Variants in EFR3B observed in about 807,000 individuals in gnomAD.
EFR3B encodes the protein EFR3 homolog B, also known as protein EFR3 homolog B.
In EFR3B, 64 loss-of-function variants were observed where a neutral mutation model predicts 104.7. The observed-to-expected ratio is 0.61, with a 90% CI of 0.50 to 0.75. EFR3B has a LOEUF of 0.75. EFR3B is among the 30% of genes least tolerant of loss of function. The probability of loss-of-function intolerance (pLI) is 0.00; values close to 1 mark genes in which losing one functional copy is unlikely to be tolerated. For synonymous variants in EFR3B, 385 were observed against 417.9 expected (o/e 0.92, Z 0.96); for missense variants, 750 against 1,078.5 (o/e 0.70, Z 4.27).
chr2:25,111,360 C>CGCCCATTTCTCCCTGGGATCGT (rs1299259937), intron 4 of EFR3B, among the ~76,000 whole-genome samples: 2 of 151,060 alleles, frequency 1.3e-5, no homozygotes, highest in Non-Finnish European at 2.9e-5. Context: ...CCTGGGATCA[C>CGCCCATTTCTCCCTGGGATCGT]GCCCATTTCT....
chr2:25,091,220 G>C (rs1220028453), intron 1 of EFR3B, 105 bp from the exon 2 acceptor site: 2 of 1,089,526 alleles, frequency 1.8e-6, no homozygotes, highest in Admixed American at 2.5e-5. Context: ...TCTGATTCCA[G>C]CCTGTCTGTT....
chr2:25,086,521 A>G (rs1220884004), intron 1 of EFR3B, among the ~76,000 whole-genome samples: 1 of 152,142 alleles, frequency 6.6e-6, no homozygotes, highest in Non-Finnish European at 1.5e-5. Flanking sequence ...TATGATGTGG[A>G]GCATCTTTTC....
rs559140339 is a variant in EFR3B at position 25,080,121 on chromosome 2, A to G, written c.8-11204A>G. On this transcript the variant is annotated intron_variant, in intron 1 of 22. Coordinates refer to ENST00000403714, the MANE Select transcript of EFR3B (RefSeq NM_014971.2). ...CCACATCTTTTACTGCCGTGACTAT[A>G]CCCTGTGCAATAACATCACAGTGCA... The G allele has an allele frequency of 3.5e-5, 36 of 1,040,424 alleles. No individual in the cohort carries two copies. In the East Asian group the frequency reaches 8.6e-4, roughly 25 times the overall value. The allele number at this position is 1,040,424 out of a possible 1,614,324, so 64.4% of individuals were successfully genotyped here. A position where few individuals can be genotyped will look rare whatever the true frequency, so the allele number is the denominator to read the frequency against.
intron 19 of EFR3B, chr2:25,147,876 G>C (rs1670861729): frequency 6.6e-6 from 1 of 151,918 alleles, no homozygotes; most frequent in African/African-American, 2.4e-5. Flanking sequence ...CAAAAAATTA[G>C]CCGGGCATGG....
intron 1 of EFR3B, among the ~76,000 whole-genome samples, chr2:25,056,398 A>G (rs916430094): frequency 2.7e-5 from 4 of 149,474 alleles, no homozygotes; most frequent in African/African-American, 4.9e-5. Context: ...ATAATTACGG[A>G]TAAGTCTCTA....
chr2:25,149,874 T>C, intron 20 of EFR3B, 132 bp downstream of exon 20: 3 of 844,276 alleles, frequency 3.6e-6, no homozygotes, highest in Non-Finnish European at 2.0e-6. Flanking sequence ...GAGAGGCTGG[T>C]GTCTTTTGAC....
At chr2:25,111,429 C>T (rs1669722679) in intron 4 of EFR3B, among the ~76,000 whole-genome samples, 1 of 151,888 alleles carries the variant, frequency 6.6e-6, no homozygotes, top group South Asian at 2.1e-4. Flanking sequence ...GGGATCCCAC[C>T]CTTGTTCACA....
At chr2:25,062,704 C>T (rs2149170185) in intron 1 of EFR3B, among the ~76,000 whole-genome samples, 1 of 152,342 alleles carries the variant, frequency 6.6e-6, no homozygotes, top group African/African-American at 2.4e-5. Context: ...ATCCCATTGG[C>T]AGCTGGGAAG....
At position 25,158,368 on chromosome 2, in the gene EFR3B, T is replaced by G. The variant is rs1459537334; in HGVS notation, c.*4028T>G. On this transcript the variant is annotated 3_prime_UTR_variant, in exon 23 of 23. Coordinates refer to ENST00000403714, the MANE Select transcript of EFR3B (RefSeq NM_014971.2). ...ATCAGGGCAGGCCAGGCCCACTTCC[T>G]GTGACCCCAGACCTTGGCAGGCGGG... 6.6e-6 allele frequency: 1 copy of G among 152,304 alleles called. No individual in the cohort carries two copies. The highest frequency in any genetic ancestry group is 1.5e-5 in the Non-Finnish European group (1 of 68,126). 9.4% of individuals were successfully genotyped at this position (152,304 alleles called of 1,614,324 possible).
intron 19 of EFR3B, among the ~76,000 whole-genome samples, chr2:25,148,101 C>T (rs1670873247): frequency 6.7e-6 from 1 of 149,200 alleles, no homozygotes; most frequent in Non-Finnish European, 1.5e-5. Flanking sequence ...TGAGTAAGTT[C>T]TGGAATTTAG....
At chr2:25,069,825 T>C (rs1432562041) in intron 1 of EFR3B, among the ~76,000 whole-genome samples, 1 of 152,150 alleles carries the variant, frequency 6.6e-6, no homozygotes, top group Non-Finnish European at 1.5e-5. Flanking sequence ...GCCTCCCAAG[T>C]AGCTGGGACT....
chr2:25,042,165 G>A lies in EFR3B; in HGVS notation c.-148G>A. On this transcript the variant is annotated 5_prime_UTR_variant, in exon 1 of 23. Transcript: ENST00000403714. This position sits in a 1 kb window ranked among gnomAD's most constrained non-coding sequence, Gnocchi z 5.4. ...CCCGGCTCCGTCCTGCCCGCGGCCG[G>A]CCCCCGCGTCTGCTCCCTCCCCGCC... 1.3e-6 allele frequency: 1 copy of A among 759,014 alleles called. No homozygotes were observed. Among genetic ancestry groups the A allele is most frequent in the Non-Finnish European group, 1.8e-6 (1 of 568,932 alleles). 47.0% of individuals were successfully genotyped at this position (759,014 alleles called of 1,614,324 possible).
intron 1 of EFR3B, among the ~76,000 whole-genome samples, chr2:25,075,414 A>T (rs1027175925): frequency 6.6e-6 from 1 of 152,174 alleles, no homozygotes; most frequent in African/African-American, 2.4e-5. Context: ...GGCACTCAGG[A>T]CATGTCTATT....
At chr2:25,118,234 G>A (rs529110276) in intron 4 of EFR3B, among the ~76,000 whole-genome samples, 10 of 152,296 alleles carry the variant, frequency 6.6e-5, no homozygotes, top group African/African-American at 2.2e-4. Flanking sequence ...GCCTGCCTCC[G>A]CCTCCAAAAG....
intron 1 of EFR3B, among the ~76,000 whole-genome samples, chr2:25,089,254 C>G (rs1227097457): frequency 1.3e-5 from 2 of 152,168 alleles, no homozygotes; most frequent in Non-Finnish European, 2.9e-5. Context: ...CCCACAGCCC[C>G]CTTGGGGCAC....
chr2:25,140,674 T>G (rs558827049), intron 16 of EFR3B, among the ~76,000 whole-genome samples: 3 of 152,134 alleles, frequency 2.0e-5, no homozygotes, highest in Admixed American at 6.6e-5. Context: ...TGTTTTGCAA[T>G]GCACTTGGGT....
intron 12 of EFR3B, among the ~76,000 whole-genome samples, chr2:25,134,183 T>A (rs1413095515): frequency 5.3e-5 from 8 of 151,760 alleles, no homozygotes; most frequent in Admixed American, 3.3e-4. Flanking sequence ...TTATATTTTT[T>A]TTTTTTTTTT....
At chr2:25,090,827 G>A (rs1669091444) in intron 1 of EFR3B, among the ~76,000 whole-genome samples, 1 of 152,182 alleles carries the variant, frequency 6.6e-6, no homozygotes, top group African/African-American at 2.4e-5. Flanking sequence ...GGGCAAACGA[G>A]GTGGCAGATA....
In EFR3B at chr2:25,042,335, C is replaced by CGACCGG; in HGVS notation, c.7+17_7+18insACCGGG. On this transcript the variant is annotated intron_variant, in intron 1 of 22. Transcript: ENST00000403714. The surrounding 1 kb of genome is among the most constrained non-coding windows in gnomAD (Gnocchi z 5.4). ...GAGATGTACGGTAAGGAGGGCTCCGCGCCCGGGCCCGGGCCCGCGGGGGCG... is the reference window on the plus strand; with the variant it reads ...GAGATGTACGGTAAGGAGGGCTCCGCGACCGGGCCCGGGCCCGGGCCCGCGGGGGCG... 1 of 1,262,714 alleles carries CGACCGG rather than the reference C, an allele frequency of 7.9e-7. No individual in the cohort carries two copies. The highest frequency in any genetic ancestry group is 1.0e-6 in the Non-Finnish European group (1 of 1,002,840). 78.2% of individuals were successfully genotyped at this position (1,262,714 alleles called of 1,614,324 possible).
Sources: allele counts gnomAD v4.1 joint callset (sites outside exome capture counted in the v4.1 genomes callset), GRCh38; gene constraint gnomAD v4.1.1; non-coding constraint Gnocchi (gnomAD v3.1); transcripts MANE v1.5; gene names NCBI Gene and HGNC (gene_info 2026-07-23, HGNC 2026-07-21).